The following SAP130 variants were observed in gnomAD, a reference collection of about 807,000 sequenced individuals.
SAP130 encodes the protein Sin3A associated protein 130.
In SAP130, 16 loss-of-function variants were observed where a neutral mutation model predicts 103.2. That is an observed-to-expected ratio of 0.16 (90% CI 0.10 to 0.24). The LOEUF (loss-of-function observed/expected upper bound fraction) is 0.24. Among genes scored for constraint, SAP130 ranks in the 10% least tolerant of loss-of-function variants. The pLI, the probability that SAP130 is intolerant of heterozygous loss-of-function variation, is 1.00. For synonymous variants in SAP130, 477 were observed against 497.0 expected (o/e 0.96, Z 0.53); for missense variants, 990 against 1,359.7 (o/e 0.73, Z 4.28).
chr2:128,027,259 C>T (rs1337207005), intron 1 of SAP130: 1 of 1,180,530 alleles, frequency 8.5e-7, no homozygotes, highest in Non-Finnish European at 1.0e-6. Flanking sequence ...CCCACTCACC[C>T]CCGCCACCCG....
intron 6 of SAP130, among the ~76,000 whole-genome samples, chr2:128,011,121 A>ATCC (rs1553515358): frequency 6.6e-6 from 1 of 151,922 alleles, no homozygotes. Context: ...TTACGCTGCC[A>ATCC]TCCAACCCAG....
chr2:127,941,253 T>A lies in SAP130; in HGVS notation c.*753A>T, dbSNP rs1375422698. On this transcript the variant is annotated 3_prime_UTR_variant, in exon 21 of 21. Coordinates refer to ENST00000643581, the MANE Select transcript of SAP130 (RefSeq NM_001330301.2). ...AACCTCTTTGAGTCCTTTATTAACG[T>A]CTGGAGATGTGTGGTACATACAATT... 1 of 152,166 alleles carries A rather than the reference T, an allele frequency of 6.6e-6. No individual in the cohort carries two copies. Among genetic ancestry groups the A allele is most frequent in the Non-Finnish European group, 1.5e-5 (1 of 68,034 alleles). The allele number at this position is 152,166 out of a possible 1,614,324, so 9.4% of individuals were successfully genotyped here.
chr2:127,942,793 A>C lies in SAP130; in HGVS notation c.2902-256T>G, dbSNP rs1678800236. On this transcript the variant is annotated intron_variant, in intron 19 of 20. Coordinates refer to ENST00000643581, the MANE Select transcript of SAP130 (RefSeq NM_001330301.2). The surrounding 1 kb of genome is among the most constrained non-coding windows in gnomAD (Gnocchi z 4.8). ...CACCTGAGGTCCAGAGTTTGAGACC[A>C]GCCTGACCAACAAGGTGAAACGCCA... 6.6e-6 allele frequency among the ~76,000 whole-genome samples: 1 copy of C among 152,166 alleles called. No individual in the cohort carries two copies. The highest frequency in any genetic ancestry group is 1.9e-4 in the East Asian group (1 of 5,198).
chr2:127,988,316 C>T (rs945167371), intron 13 of SAP130, among the ~76,000 whole-genome samples: 45 of 150,862 alleles, frequency 3.0e-4, no homozygotes, highest in African/African-American at 5.1e-4. Context: ...CCTTGCTACA[C>T]GGGTGTCTGA....
rs1163482877 is a variant in SAP130 at position 127,986,866 on chromosome 2, C to T, written c.1877G>A (p.Ser626Asn). The T allele has an allele frequency of 6.2e-7, 1 of 1,614,136 alleles. No individual in the cohort carries two copies. The highest frequency in any genetic ancestry group is 1.3e-5 in the African/African-American group (1 of 74,950). ...PAATTVVQTH[S>N]QSASTNAPAQ... ...GGGAGCGTTGGTGCTAGCACTCTGG[C>T]TGTGGGTCTGCACCACGGTTGTTGC... Residue 626 changes from serine to asparagine, a missense_variant, in exon 14 of 21, where the codon AGC (serine) becomes AAC (asparagine). Physicochemically the swap from Ser to Asn is conservative, Grantham distance 46. Coordinates refer to ENST00000643581, the MANE Select transcript of SAP130 (RefSeq NM_001330301.2). The surrounding 1 kb of genome is among the most constrained non-coding windows in gnomAD (Gnocchi z 4.7).
chr2:127,999,381 G>A (rs909626520), intron 10 of SAP130, among the ~76,000 whole-genome samples: 1 of 152,072 alleles, frequency 6.6e-6, no homozygotes, highest in African/African-American at 2.4e-5. Flanking sequence ...GGAGGCCGAG[G>A]CGGGCAGATC....
chr2:127,961,359 G>A (rs1680235637), intron 15 of SAP130, among the ~76,000 whole-genome samples: 1 of 150,830 alleles, frequency 6.6e-6, no homozygotes, highest in Admixed American at 6.6e-5. Context: ...TGTTGCCCAG[G>A]CTGGTCTCAA....
At chr2:127,947,361 T>G (rs1173836865) in intron 18 of SAP130, among the ~76,000 whole-genome samples, 2 of 152,224 alleles carry the variant, frequency 1.3e-5, no homozygotes. Flanking sequence ...GGTTTTCAAA[T>G]GTTGAACCAG....
chr2:128,006,533 G>A (rs1293469463), intron 7 of SAP130, among the ~76,000 whole-genome samples: 1 of 152,172 alleles, frequency 6.6e-6, no homozygotes, highest in Non-Finnish European at 1.5e-5. Flanking sequence ...CCAGCACTTT[G>A]GGAGGCTGAG....
intron 2 of SAP130, among the ~76,000 whole-genome samples, chr2:128,018,469 A>G (rs1316892851): frequency 1.6e-5 from 2 of 124,076 alleles, no homozygotes; most frequent in Non-Finnish European, 3.2e-5. Context: ...TGGGCGAGAG[A>G]GGAAGATTGT....
At chr2:128,008,637 C>A (rs985258639) in intron 7 of SAP130, among the ~76,000 whole-genome samples, 3 of 150,602 alleles carry the variant, frequency 2.0e-5, no homozygotes, top group Non-Finnish European at 4.4e-5. Flanking sequence ...TCCAAAAGCA[C>A]TGGGGTTACG....
chr2:127,973,016 C>T (rs1041540981), intron 15 of SAP130, among the ~76,000 whole-genome samples: 4 of 152,266 alleles, frequency 2.6e-5, no homozygotes, highest in African/African-American at 9.6e-5. Context: ...CACCTCAGAA[C>T]ATCACACAGT....
intron 2 of SAP130, among the ~76,000 whole-genome samples, chr2:128,022,184 T>C (rs771579513): frequency 6.6e-6 from 1 of 152,236 alleles, no homozygotes; most frequent in Non-Finnish European, 1.5e-5. Context: ...TTTTCTGGAA[T>C]TTCACATAAC....
chr2:127,971,497 C>T (rs1160843181), intron 15 of SAP130, among the ~76,000 whole-genome samples: 1 of 152,150 alleles, frequency 6.6e-6, no homozygotes, highest in Non-Finnish European at 1.5e-5. Context: ...CCGTGTTAGC[C>T]AGGATGGTCT....
intron 15 of SAP130, among the ~76,000 whole-genome samples, chr2:127,970,004 C>T (rs893609580): frequency 6.7e-6 from 1 of 149,974 alleles, no homozygotes. Flanking sequence ...CCGAGGTGGG[C>T]GGATCACGAG....
intron 18 of SAP130, among the ~76,000 whole-genome samples, 161 bp downstream of exon 18, chr2:127,949,708 A>G (rs995324966): frequency 1.3e-5 from 2 of 152,226 alleles, no homozygotes; most frequent in Non-Finnish European, 2.9e-5. Flanking sequence ...TAGGTTTTAT[A>G]TTCTACAGGA....
chr2:127,967,142 T>A (rs967910049), intron 15 of SAP130, among the ~76,000 whole-genome samples: 1 of 152,192 alleles, frequency 6.6e-6, no homozygotes, highest in African/African-American at 2.4e-5. Context: ...TTAAAGGGCA[T>A]AAAGTTTCAG....
At chr2:127,993,646 T>G (rs1051773202) in intron 11 of SAP130, among the ~76,000 whole-genome samples, 2 of 152,164 alleles carry the variant, frequency 1.3e-5, no homozygotes, top group Non-Finnish European at 2.9e-5. Flanking sequence ...CAACTCAAAT[T>G]GGTTTTACTG....
In SAP130 at chr2:128,017,507, C is replaced by T. The variant is rs768688946; in HGVS notation, c.348+173G>A. 4.1e-4 allele frequency among the ~76,000 whole-genome samples: 62 copies of T among 152,112 alleles called. 1 individual carries two copies. The highest frequency in any genetic ancestry group is 8.8e-5 in the Non-Finnish European group (6 of 68,020). ...ATGCCAACTGCCCAGCAGCACAAGA[C>T]AAGGCACTGCAGAAAATCAGGGCTG... On this transcript the variant is annotated intron_variant, in intron 3 of 20. Transcript: ENST00000643581.
Sources: allele counts gnomAD v4.1 joint callset (sites outside exome capture counted in the v4.1 genomes callset), GRCh38; gene constraint gnomAD v4.1.1; non-coding constraint Gnocchi (gnomAD v3.1); transcripts MANE v1.5; gene names NCBI Gene and HGNC (gene_info 2026-07-23, HGNC 2026-07-21).